Variants in CSGALNACT1 observed in about 807,000 individuals in gnomAD.
CSGALNACT1 encodes the protein chondroitin sulfate N-acetylgalactosaminyltransferase 1.
Under a neutral mutation model 51.0 loss-of-function variants are expected in CSGALNACT1, and 52 were observed. That is an observed-to-expected ratio of 1.02 (90% CI 0.82 to 1.29). The LOEUF is 1.29. Among genes scored for constraint, CSGALNACT1 ranks in the 50% most tolerant of loss-of-function variants. The pLI, the probability that CSGALNACT1 is intolerant of heterozygous loss-of-function variation, is 0.00. For synonymous variants in CSGALNACT1, 341 were observed against 254.4 expected (o/e 1.34, Z -3.24); for missense variants, 935 against 679.2 (o/e 1.38, Z -4.19).
chr8:19,484,116 T>C (rs184629741), intron 4 of CSGALNACT1, among the ~76,000 whole-genome samples: 62 of 152,290 alleles, frequency 4.1e-4, no homozygotes, highest in Non-Finnish European at 7.5e-4. Flanking sequence ...AGATCAAATA[T>C]TGTGGTATTA....
chr8:19,682,772 G>C (rs1257188866), upstream of CSGALNACT1: 1 of 454,036 alleles, frequency 2.2e-6, no homozygotes, highest in East Asian at 7.0e-5. Flanking sequence ...GTCTGCCCAA[G>C]TTTGAGGTCT....
At chr8:19,408,956 A>G (rs1448539843) in intron 8 of CSGALNACT1, among the ~76,000 whole-genome samples, 2 of 151,384 alleles carry the variant, frequency 1.3e-5, no homozygotes, top group Admixed American at 6.6e-5. Flanking sequence ...GAAAACACAC[A>G]CACACACACA....
intron 1 of CSGALNACT1, among the ~76,000 whole-genome samples, chr8:19,741,865 A>C (rs781135431): frequency 7.9e-5 from 12 of 152,214 alleles, no homozygotes; most frequent in Non-Finnish European, 1.5e-4. Flanking sequence ...TGGTGTGCTT[A>C]TCCCATTCGA....
intron 5 of CSGALNACT1, among the ~76,000 whole-genome samples, chr8:19,446,752 G>T (rs1271913137): frequency 6.6e-6 from 1 of 152,174 alleles, no homozygotes; most frequent in Admixed American, 6.5e-5. Context: ...GACCTCGGGT[G>T]AGCCACTCGC....
At chr8:19,612,713 A>G (rs1479345272) in intron 1 of CSGALNACT1, among the ~76,000 whole-genome samples, 2 of 151,960 alleles carry the variant, frequency 1.3e-5, no homozygotes, top group East Asian at 3.9e-4. Context: ...GTCCTACTAC[A>G]TGGTGGCTAA....
intron 3 of CSGALNACT1, among the ~76,000 whole-genome samples, chr8:19,521,363 G>A (rs142368316): frequency 6.2e-4 from 95 of 152,236 alleles, no homozygotes; most frequent in African/African-American, 2.1e-3. Context: ...AATTACATGA[G>A]GAGAAAAAAA....
chr8:19,606,894 A>AC (rs2051451855), upstream of CSGALNACT1, among the ~76,000 whole-genome samples: 2 of 152,092 alleles, frequency 1.3e-5, no homozygotes, highest in Non-Finnish European at 2.9e-5. Flanking sequence ...GGTGGCTCAC[A>AC]CCTGTAATCC....
At chr8:19,663,011 T>C (rs1458800472) in intron 1 of CSGALNACT1, among the ~76,000 whole-genome samples, 3 of 152,202 alleles carry the variant, frequency 2.0e-5, no homozygotes, top group Non-Finnish European at 4.4e-5. Context: ...AAAGTGCTAG[T>C]GCTACAAATG....
chr8:19,574,349 A>G (rs924776710), intron 3 of CSGALNACT1, among the ~76,000 whole-genome samples: 2 of 152,194 alleles, frequency 1.3e-5, no homozygotes, highest in Non-Finnish European at 2.9e-5. Flanking sequence ...GTCTCTTGCA[A>G]CAACTTCCAC....
At chr8:19,437,358 G>T (rs182282119) in intron 6 of CSGALNACT1, among the ~76,000 whole-genome samples, 63 of 152,270 alleles carry the variant, frequency 4.1e-4, no homozygotes, top group African/African-American at 1.5e-3. Context: ...GAGTCGTAAA[G>T]ACAGGATTAG....
intron 1 of CSGALNACT1, among the ~76,000 whole-genome samples, chr8:19,721,151 C>A (rs1398873841): frequency 2.6e-5 from 4 of 152,196 alleles, no homozygotes; most frequent in Non-Finnish European, 5.9e-5. Context: ...AAGGCTCATA[C>A]CCCAGAACCA....
intron 3 of CSGALNACT1, among the ~76,000 whole-genome samples, chr8:19,521,300 G>T (rs1190981405): frequency 6.6e-6 from 1 of 152,114 alleles, no homozygotes; most frequent in East Asian, 1.9e-4. Context: ...CTAAATAAAG[G>T]CCAGGGAAGA....
intron 3 of CSGALNACT1, among the ~76,000 whole-genome samples, chr8:19,587,485 T>C (rs904162716): frequency 3.9e-5 from 6 of 152,226 alleles, no homozygotes; most frequent in Non-Finnish European, 8.8e-5. Flanking sequence ...TCAATCCTTT[T>C]CTAACTTGGT....
intron 1 of CSGALNACT1, among the ~76,000 whole-genome samples, chr8:19,728,240 A>G (rs1273273545): frequency 6.6e-6 from 1 of 152,182 alleles, no homozygotes; most frequent in Non-Finnish European, 1.5e-5. Context: ...CACACAAAGG[A>G]AACACTATGA....
intron 5 of CSGALNACT1, among the ~76,000 whole-genome samples, chr8:19,449,132 A>G (rs1262755207): frequency 1.3e-5 from 2 of 152,194 alleles, no homozygotes; most frequent in Admixed American, 1.3e-4. Flanking sequence ...CTGACTGTCC[A>G]TTTCAAAATA....
chr8:19,505,065 T>C (rs942766438), intron 4 of CSGALNACT1, 136 bp downstream of exon 3: 49 of 865,246 alleles, frequency 5.7e-5, no homozygotes, highest in South Asian at 8.4e-5. Context: ...CCGTACCTTT[T>C]GGTGTCACAC....
At chr8:19,744,261 C>T (rs1392353213) in intron 1 of CSGALNACT1, among the ~76,000 whole-genome samples, 1 of 152,224 alleles carries the variant, frequency 6.6e-6, no homozygotes, top group Non-Finnish European at 1.5e-5. Flanking sequence ...AAAATTGCCA[C>T]TTCAACCACA....
At chr8:19,489,122 C>T (rs1001801892) in intron 4 of CSGALNACT1, among the ~76,000 whole-genome samples, 3 of 151,984 alleles carry the variant, frequency 2.0e-5, no homozygotes, top group Non-Finnish European at 4.4e-5. Flanking sequence ...TAGTGTGAGT[C>T]CCTAGTCAGA....
chr8:19,720,804 T>G (rs892412656), intron 1 of CSGALNACT1, among the ~76,000 whole-genome samples: 1 of 152,142 alleles, frequency 6.6e-6, no homozygotes, highest in East Asian at 1.9e-4. Flanking sequence ...CCAAGCAGCA[T>G]CCCAGAGGAG....
Sources: allele counts gnomAD v4.1 joint callset (sites outside exome capture counted in the v4.1 genomes callset), GRCh38; gene constraint gnomAD v4.1.1; transcripts MANE v1.5; gene names NCBI Gene and HGNC (gene_info 2026-07-23, HGNC 2026-07-21).